Variants in PKD1L1 observed in about 807,000 individuals in gnomAD.
PKD1L1 encodes polycystin 1 like 1, transient receptor potential channel interacting.
PKD1L1 carries 236 observed loss-of-function variants against 323.4 expected under a neutral mutation model. That is an observed-to-expected ratio of 0.73 (90% CI 0.66 to 0.81). PKD1L1 has a LOEUF of 0.81. PKD1L1 is among the 40% of genes least tolerant of loss of function. The probability of loss-of-function intolerance (pLI) is 0.00; values close to 1 mark genes in which losing one functional copy is unlikely to be tolerated. For synonymous variants in PKD1L1, 1,344 were observed against 1,335.0 expected (o/e 1.01, Z -0.15); for missense variants, 3,320 against 3,508.0 (o/e 0.95, Z 1.35).
intron 54 of PKD1L1, among the ~76,000 whole-genome samples, chr7:47,800,291 G>A (rs1784631175): frequency 6.6e-6 from 1 of 152,218 alleles, no homozygotes; most frequent in Non-Finnish European, 1.5e-5. Flanking sequence ...TGATAAGATG[G>A]AAAGACTGAG....
At chr7:47,869,592 C>T (rs1297076840) in intron 24 of PKD1L1, among the ~76,000 whole-genome samples, 1 of 152,142 alleles carries the variant, frequency 6.6e-6, no homozygotes, top group African/African-American at 2.4e-5. Context: ...GACCTAACAA[C>T]AGGTTCCATA....
the PKD1L1 span, among the ~76,000 whole-genome samples, chr7:47,954,714 C>T: frequency 2.0e-5 from 3 of 152,200 alleles, no homozygotes; most frequent in South Asian, 6.2e-4. Context: ...AATTTAGAAA[C>T]CTGCCAATGA....
chr7:47,914,060 G>A (rs933492492), intron 8 of PKD1L1, among the ~76,000 whole-genome samples: 1 of 152,128 alleles, frequency 6.6e-6, no homozygotes, highest in Non-Finnish European at 1.5e-5. Context: ...GGAAGAGGAA[G>A]ATGGGAAATA....
chr7:47,898,894 T>C (rs1423840295), intron 13 of PKD1L1, among the ~76,000 whole-genome samples: 1 of 151,268 alleles, frequency 6.6e-6, no homozygotes, highest in African/African-American at 2.4e-5. Context: ...AAAAGTTCTT[T>C]TGCTAAAAAA....
chr7:47,812,911 G>A (rs140376539), intron 49 of PKD1L1, among the ~76,000 whole-genome samples: 30 of 152,342 alleles, frequency 2.0e-4, no homozygotes, highest in African/African-American at 6.3e-4. Flanking sequence ...CGTTTGCTCT[G>A]TGCTCTCCCA....
chr7:47,814,932 A>G (rs1784983221), intron 47 of PKD1L1, among the ~76,000 whole-genome samples: 2 of 152,204 alleles, frequency 1.3e-5, no homozygotes, highest in Non-Finnish European at 2.9e-5. Context: ...TCTTTCTGGA[A>G]GCTTCCTTGC....
chr7:47,836,025 G>A (rs866778670), intron 37 of PKD1L1, among the ~76,000 whole-genome samples: 2 of 152,160 alleles, frequency 1.3e-5, no homozygotes, highest in Non-Finnish European at 2.9e-5. Flanking sequence ...ACAACATGTC[G>A]GCTTCAAAGA....
chr7:47,950,986 G>A (rs1459083401), upstream of PKD1L1, among the ~76,000 whole-genome samples: 1 of 152,208 alleles, frequency 6.6e-6, no homozygotes, highest in Non-Finnish European at 1.5e-5. Flanking sequence ...GTACAACAGG[G>A]AGCACAACAC....
intron 46 of PKD1L1, among the ~76,000 whole-genome samples, chr7:47,817,583 A>G (rs894924484): frequency 6.6e-6 from 1 of 152,182 alleles, no homozygotes; most frequent in Admixed American, 6.6e-5. Flanking sequence ...GAAAATTTCC[A>G]TATGGCTGGG....
chr7:47,941,130 C>T (rs531125973), intron 2 of PKD1L1, among the ~76,000 whole-genome samples: 1 of 152,342 alleles, frequency 6.6e-6, no homozygotes, highest in South Asian at 2.1e-4. Flanking sequence ...GAAGCCCCCA[C>T]CCCTCTCATC....
chr7:47,830,228 C>T (rs1390439192), intron 42 of PKD1L1, 104 bp from the exon 43 acceptor site: 3 of 937,682 alleles, frequency 3.2e-6, no homozygotes, highest in African/African-American at 1.7e-5. Flanking sequence ...GGGCCTATGG[C>T]CTCGCCGTGG....
intron 2 of PKD1L1, among the ~76,000 whole-genome samples, chr7:47,942,357 T>C (rs1788004738): frequency 6.6e-6 from 1 of 152,156 alleles, no homozygotes; most frequent in South Asian, 2.1e-4. Flanking sequence ...CAATTCCACA[T>C]GATCTTAACA....
chr7:47,789,796 T>G (rs910090260), intron 56 of PKD1L1, among the ~76,000 whole-genome samples: 2 of 152,238 alleles, frequency 1.3e-5, no homozygotes, highest in Admixed American at 1.3e-4. Flanking sequence ...ATCTTTCTTC[T>G]AAAATTTTCA....
chr7:47,888,172 G>A (rs757720057), intron 16 of PKD1L1, 22 bp from the exon 17 acceptor site: 1 of 1,596,056 alleles, frequency 6.3e-7, no homozygotes, highest in Admixed American at 1.7e-5. Flanking sequence ...AAATTGGCTT[G>A]AGATCTTAGG....
At chr7:47,919,417 C>A (rs547581979) in intron 7 of PKD1L1, among the ~76,000 whole-genome samples, 8 of 152,030 alleles carry the variant, frequency 5.3e-5, no homozygotes, top group African/African-American at 1.4e-4. Flanking sequence ...CAGGTCCAGA[C>A]GAATTCACAG....
chr7:47,842,385 G>A (rs1007465895), intron 34 of PKD1L1, among the ~76,000 whole-genome samples: 2 of 151,980 alleles, frequency 1.3e-5, no homozygotes, highest in African/African-American at 4.8e-5. Context: ...TGGTTCCCTC[G>A]GGAAATGGAA....
At chr7:47,828,830 A>G (rs919986227) in intron 44 of PKD1L1, among the ~76,000 whole-genome samples, 8 of 152,180 alleles carry the variant, frequency 5.3e-5, no homozygotes, top group African/African-American at 1.7e-4. Flanking sequence ...CTGACTCTCA[A>G]TGCACTGGGA....
At chr7:47,860,990 C>T (rs1044204394) in intron 26 of PKD1L1, among the ~76,000 whole-genome samples, 4 of 152,234 alleles carry the variant, frequency 2.6e-5, no homozygotes, top group African/African-American at 4.8e-5. Flanking sequence ...GCCACATGAC[C>T]GACAGGCAGC....
chr7:47,935,390 G>C (rs1312584210), intron 4 of PKD1L1, among the ~76,000 whole-genome samples: 1 of 152,048 alleles, frequency 6.6e-6, no homozygotes. Context: ...TCAGATTTCC[G>C]GGGGACAGAC....
Sources: gnomAD v4.1 joint callset for allele counts (sites outside exome capture counted in the v4.1 genomes callset) on GRCh38, gnomAD v4.1.1 for gene constraint, MANE v1.5 for transcripts, NCBI Gene and HGNC (gene_info 2026-07-23, HGNC 2026-07-21) for gene names.